HERC4: variants seen among roughly 807,000 people sequenced by gnomAD.
The protein encoded by HERC4 is probable E3 ubiquitin-protein ligase HERC4.
A neutral mutation model predicts 124.3 loss-of-function variants in HERC4; 28 were observed. The ratio of observed to expected loss-of-function variants is 0.23; its 90% CI spans 0.17 to 0.31. HERC4 has a LOEUF of 0.31. Among genes scored for constraint, HERC4 ranks in the 10% least tolerant of loss-of-function variants. HERC4 has a pLI of 1.00. For missense variants in HERC4, 713 were observed against 1,229.3 expected, an observed-to-expected ratio of 0.58 and a Z score of 6.28; for synonymous variants, 407 against 421.5, an observed-to-expected ratio of 0.97 and a Z score of 0.42.
At chr10:68,000,306 C>T (rs1026730062) in intron 9 of HERC4, among the ~76,000 whole-genome samples, 1 of 152,048 alleles carries the variant, frequency 6.6e-6, no homozygotes, top group East Asian at 1.9e-4. Flanking sequence ...GGGCAAGGCA[C>T]GGTGGCTCAT....
intron 15 of HERC4, among the ~76,000 whole-genome samples, chr10:67,986,204 C>A (rs2036250608): frequency 6.6e-6 from 1 of 152,182 alleles, no homozygotes; most frequent in South Asian, 2.1e-4. Context: ...CCAGTATCAT[C>A]CTGCTTTTGA....
In HERC4 at chr10:67,922,882, CAA is replaced by C. The variant is rs2030371339; in HGVS notation, c.*47_*48del. 1.6e-6 allele frequency: 2 copies of C among 1,287,702 alleles called. No homozygotes were observed. Among genetic ancestry groups the C allele is most frequent in the Non-Finnish European group, 2.2e-6 (2 of 917,962 alleles). The allele number at this position is 1,287,702 out of a possible 1,614,324, so 79.8% of individuals were successfully genotyped here. ...TGAATTCATCACCACAAGAAAAACA[CAA>C]ATAGTTTAATGCTTTTGCACTAAAC... On this transcript the variant is annotated 3_prime_UTR_variant, in exon 25 of 25. Coordinates refer to ENST00000373700, the MANE Select transcript of HERC4 (RefSeq NM_015601.4).
chr10:67,939,267 T>A (rs569567249), intron 21 of HERC4, among the ~76,000 whole-genome samples: 15 of 152,342 alleles, frequency 9.8e-5, no homozygotes, highest in African/African-American at 3.6e-4. Context: ...ATGTCTTGTA[T>A]TTGTCAATAT....
At chr10:68,040,272 T>C (rs968061361) in intron 4 of HERC4, 2 of 982,322 alleles carry the variant, frequency 2.0e-6, no homozygotes. Context: ...TACCATTATA[T>C]GCTACAGAGA....
intron 21 of HERC4, among the ~76,000 whole-genome samples, chr10:67,938,759 G>C (rs898407274): frequency 6.6e-6 from 1 of 151,684 alleles, no homozygotes; most frequent in Non-Finnish European, 1.5e-5. Context: ...GCCTGGCCAA[G>C]GTGGTGAAAC....
At chr10:67,960,851 T>C in intron 16 of HERC4, 1 of 276,812 alleles carries the variant, frequency 3.6e-6, no homozygotes, top group South Asian at 3.9e-5. Flanking sequence ...TTTTTACTTT[T>C]CTAACAAGGA....
Position 68,059,823 on chromosome 10 carries a change from C to CATATTATATATT in HERC4, c.226+13059_226+13060insAATATATAATAT, listed in dbSNP as rs1564609654. Among the ~76,000 whole-genome samples the CATATTATATATT allele has an allele frequency of 3.4e-4, 16 of 47,062 alleles. 5 individuals are homozygous for CATATTATATATT. The African/African-American group carries it at 3.6e-3, about 11-fold the overall frequency. The allele number at this position is 47,062 out of a possible 152,430, so 30.9% of individuals were successfully genotyped here. On this transcript the variant is annotated intron_variant, in intron 3 of 24. Coordinates refer to ENST00000373700, the MANE Select transcript of HERC4 (RefSeq NM_015601.4). ...TATTATATATTATAATATTATATAT[C>CATATTATATATT]ATAATATTATATATTATAATATATT... is the stretch of plus-strand genomic sequence containing the variant.
chr10:67,990,817 G>T, intron 13 of HERC4, 87 bp downstream of exon 13: 1 of 734,424 alleles, frequency 1.4e-6, no homozygotes, highest in Non-Finnish European at 2.2e-6. Context: ...CTGTGAAACT[G>T]CAAAGTAAAT....
chr10:68,065,657 C>T (rs2041264811), intron 3 of HERC4, among the ~76,000 whole-genome samples: 2 of 152,018 alleles, frequency 1.3e-5, no homozygotes, highest in Admixed American at 1.3e-4. Flanking sequence ...AGGATCACTT[C>T]GAGACCAGCT....
intron 13 of HERC4, among the ~76,000 whole-genome samples, chr10:67,990,678 T>C (rs191420226): frequency 3.6e-4 from 55 of 152,192 alleles, no homozygotes; most frequent in African/African-American, 1.3e-3. Flanking sequence ...ATACACAAAC[T>C]TAAGCAACGT....
chr10:68,014,254 G>T, intron 8 of HERC4, 68 bp from the exon 9 acceptor site: 4 of 1,327,262 alleles, frequency 3.0e-6, no homozygotes, highest in Non-Finnish European at 4.0e-6. Flanking sequence ...GACAAAAGCA[G>T]AGAAAATATC....
At chr10:67,969,452 TGGAAACAAGGCAGAGGGGGGGAAAAAA>T (rs1308963892) in intron 15 of HERC4, among the ~76,000 whole-genome samples, 1 of 151,468 alleles carries the variant, frequency 6.6e-6, no homozygotes, top group Non-Finnish European at 1.5e-5. Context: ...ATGAAACAAC[TGGAAACAAGGCAGAGGGGGGGAAAAAA>T]GGAAACAAGG....
chr10:68,053,233 A>G (rs2040401186), intron 3 of HERC4, among the ~76,000 whole-genome samples: 1 of 152,174 alleles, frequency 6.6e-6, no homozygotes, highest in Non-Finnish European at 1.5e-5. Flanking sequence ...ATTTTTGTCA[A>G]CTGATAAATA....
intron 15 of HERC4, among the ~76,000 whole-genome samples, chr10:67,974,072 G>GTA (rs71468900): frequency 0.044 from 1,176 of 27,024 alleles, 64 homozygotes; most frequent in African/African-American, 0.086. Flanking sequence ...AAAAATTACT[G>GTA]TACACACACA....
intron 16 of HERC4, among the ~76,000 whole-genome samples, chr10:67,961,931 A>G (rs2034549063): frequency 6.6e-6 from 1 of 152,204 alleles, no homozygotes; most frequent in African/African-American, 2.4e-5. Context: ...AAACAAGATG[A>G]AAGTCTTTAG....
At position 68,051,201 on chromosome 10, in the gene HERC4, A is replaced by C. The variant is rs567988249; in HGVS notation, c.227-6638T>G. Among the ~76,000 whole-genome samples the C allele has an allele frequency of 2.0e-5, 3 of 152,166 alleles. 1 individual carries two copies. Among genetic ancestry groups the C allele is most frequent in the Non-Finnish European group, 4.4e-5 (3 of 67,996 alleles). Reference sequence around the variant, plus strand: ...AGGGCTACAAAATGTTGAAATTACAAATGTTTGATGCTAAACTTGTTGGAA... The same window carrying C: ...AGGGCTACAAAATGTTGAAATTACACATGTTTGATGCTAAACTTGTTGGAA... On this transcript the variant is annotated intron_variant, in intron 3 of 24. Transcript: ENST00000373700.
chr10:68,046,981 AC>A (rs1378992159), intron 3 of HERC4, among the ~76,000 whole-genome samples: 6 of 149,010 alleles, frequency 4.0e-5, no homozygotes, highest in Admixed American at 2.7e-4. Context: ...AAACAAACAA[AC>A]AAAAAAAAAC....
chr10:67,938,498 T>C (rs1432830548), intron 21 of HERC4, among the ~76,000 whole-genome samples: 1 of 151,478 alleles, frequency 6.6e-6, no homozygotes, highest in Non-Finnish European at 1.5e-5. Context: ...TTTTACAATT[T>C]CTCCAAGAGT....
chr10:67,978,605 C>A (rs1196895227), intron 15 of HERC4, among the ~76,000 whole-genome samples: 2 of 152,214 alleles, frequency 1.3e-5, no homozygotes, highest in Admixed American at 6.5e-5. Context: ...TTGTAGAGCG[C>A]CAGCACCTTG....
Sources: allele counts gnomAD v4.1 joint callset (sites outside exome capture counted in the v4.1 genomes callset), GRCh38; gene constraint gnomAD v4.1.1; transcripts MANE v1.5; gene names NCBI Gene and HGNC (gene_info 2026-07-23, HGNC 2026-07-21).